KMT2C: variants seen among roughly 807,000 people sequenced by gnomAD.
The protein encoded by KMT2C is lysine methyltransferase 2C.
A neutral mutation model predicts 507.9 loss-of-function variants in KMT2C; 88 were observed. That is an observed-to-expected ratio of 0.17 (90% confidence interval 0.15 to 0.21). The LOEUF (loss-of-function observed/expected upper bound fraction) is 0.21. KMT2C is among the 10% of genes least tolerant of loss of function. The pLI is 1.00. For synonymous variants in KMT2C, 2,049 were observed against 2,080.8 expected (o/e 0.98, Z 0.42); for missense variants, 4,954 against 5,957.8 (o/e 0.83, Z 5.55).
intron 18 of KMT2C, among the ~76,000 whole-genome samples, chr7:152,225,544 T>C (rs997262271): frequency 4.6e-5 from 7 of 152,188 alleles, no homozygotes; most frequent in Non-Finnish European, 8.8e-5. Flanking sequence ...GAACACGTTG[T>C]AGACACAGGA....
intron 6 of KMT2C, among the ~76,000 whole-genome samples, chr7:152,293,210 G>T (rs980001423): frequency 6.6e-6 from 1 of 152,070 alleles, no homozygotes; most frequent in Non-Finnish European, 1.5e-5. Flanking sequence ...TTTCAAATGT[G>T]GAGGAAAAAG....
intron 2 of KMT2C, among the ~76,000 whole-genome samples, chr7:152,333,152 T>G (rs1253072425): frequency 6.6e-6 from 1 of 152,094 alleles, no homozygotes; most frequent in Non-Finnish European, 1.5e-5. Context: ...GTTGGGTGGT[T>G]GTTTTTGTTT....
intron 3 of KMT2C, among the ~76,000 whole-genome samples, chr7:152,318,660 A>AT (rs1012408197): frequency 8.6e-5 from 13 of 151,716 alleles, no homozygotes; most frequent in Admixed American, 2.0e-4. Flanking sequence ...AGGTGCAAAA[A>AT]ATGTTGGAAG....
chr7:152,357,120 G>A (rs1244355197), intron 2 of KMT2C, among the ~76,000 whole-genome samples: 2 of 151,652 alleles, frequency 1.3e-5, no homozygotes, highest in South Asian at 4.2e-4. Flanking sequence ...CAGCTACTTG[G>A]GAGGCTGAGG....
intron 2 of KMT2C, among the ~76,000 whole-genome samples, chr7:152,352,191 A>G (rs1263309725): frequency 1.3e-5 from 2 of 152,164 alleles, no homozygotes; most frequent in Non-Finnish European, 2.9e-5. Flanking sequence ...TAGGGATGAA[A>G]TAAGTCCCAG....
chr7:152,366,304 G>A (rs1281818286), intron 1 of KMT2C, among the ~76,000 whole-genome samples: 3 of 152,178 alleles, frequency 2.0e-5, no homozygotes, highest in Non-Finnish European at 4.4e-5. Context: ...CATGTTCACA[G>A]CAGCATTATT....
Position 152,135,697 on chromosome 7 carries a change from TCA to T in KMT2C, c.*1133_*1134del, listed in dbSNP as rs1168509285. On this transcript the variant is annotated 3_prime_UTR_variant, in exon 59 of 59. Transcript: ENST00000262189. ...TTTGGGTGTATTTTTAAGCAGTTAT[TCA>T]CAGTTATCACAAATTGTAAGCACAA... is the stretch of plus-strand genomic sequence containing the variant. 4.8e-5 allele frequency: 11 copies of T among 226,956 alleles called. No individual in the cohort carries two copies. The South Asian group carries it at 1.6e-3, about 34-fold the overall frequency. The allele number at this position is 226,956 out of a possible 1,614,324, so 14.1% of individuals were successfully genotyped here.
chr7:152,296,076 A>AAG (rs34684246), intron 6 of KMT2C, among the ~76,000 whole-genome samples: 394 of 150,740 alleles, frequency 2.6e-3, no homozygotes, highest in Non-Finnish European at 4.7e-3. Context: ...TCAAAAAAAA[A>AAG]AAAAAAAAAA....
intron 6 of KMT2C, among the ~76,000 whole-genome samples, chr7:152,294,745 G>A (rs1294454418): frequency 6.6e-6 from 1 of 152,030 alleles, no homozygotes; most frequent in Non-Finnish European, 1.5e-5. Context: ...ACACACTTGA[G>A]AGGCATTTGA....
intron 1 of KMT2C, among the ~76,000 whole-genome samples, chr7:152,397,558 C>T (rs2097544612): frequency 6.6e-6 from 1 of 152,028 alleles, no homozygotes; most frequent in Admixed American, 6.6e-5. Flanking sequence ...ACAGTAACAC[C>T]AATCGTTTAT....
chr7:152,166,083 A>G (rs1320436797), intron 42 of KMT2C, among the ~76,000 whole-genome samples: 2 of 152,030 alleles, frequency 1.3e-5, no homozygotes, highest in Non-Finnish European at 2.9e-5. Flanking sequence ...GACAACGTAA[A>G]TGGAAGTGCT....
chr7:152,354,754 G>T (rs979676294), intron 2 of KMT2C, among the ~76,000 whole-genome samples: 2 of 152,198 alleles, frequency 1.3e-5, no homozygotes, highest in Non-Finnish European at 2.9e-5. Flanking sequence ...CAGGAGGCCA[G>T]TAAGGATGGA....
intron 2 of KMT2C, among the ~76,000 whole-genome samples, chr7:152,334,475 G>A (rs1042073007): frequency 1.3e-5 from 2 of 152,024 alleles, no homozygotes; most frequent in East Asian, 1.9e-4. Flanking sequence ...AAAGAAAGTA[G>A]ACAAAGGACA....
At chr7:152,387,163 TAAAC>T (rs894561315) in intron 1 of KMT2C, among the ~76,000 whole-genome samples, 3 of 152,032 alleles carry the variant, frequency 2.0e-5, no homozygotes, top group African/African-American at 7.2e-5. Flanking sequence ...CTTACCCTAA[TAAAC>T]AGCCATGTAG....
At chr7:152,229,447 A>C (rs536009360) in intron 18 of KMT2C, among the ~76,000 whole-genome samples, 2 of 152,176 alleles carry the variant, frequency 1.3e-5, no homozygotes, top group African/African-American at 4.8e-5. Flanking sequence ...AGCAGCGCTG[A>C]CTCTCGATTA....
At chr7:152,263,222 C>A in intron 8 of KMT2C, 92 bp from the exon 9 acceptor site, 25 of 1,084,336 alleles carry the variant, frequency 2.3e-5, no homozygotes, top group Non-Finnish European at 3.4e-5. Flanking sequence ...CTGGGAACTG[C>A]ACAGTTCATA....
intron 26 of KMT2C, among the ~76,000 whole-genome samples, chr7:152,202,596 A>T (rs1386048600): frequency 6.6e-6 from 1 of 152,240 alleles, no homozygotes; most frequent in Admixed American, 6.5e-5. Context: ...TTGGCAAAGG[A>T]AATTTCAACA....
In KMT2C at chr7:152,181,459, G is replaced by T; in HGVS notation, c.6401C>A (p.Pro2134His). 1 of 1,614,074 alleles carries T rather than the reference G, an allele frequency of 6.2e-7. No homozygotes were observed. Among genetic ancestry groups the T allele is most frequent in the Non-Finnish European group, 8.5e-7 (1 of 1,180,016 alleles). The change falls in exon 36 of 59, where the codon CCC becomes CAC. Residue 2134 changes from proline (P) to histidine (H), a missense_variant. Coordinates refer to ENST00000262189, the MANE Select transcript of KMT2C (RefSeq NM_170606.3). ...TACAACAGGTCGTGGAGTTCCTGGG[G>T]GTTGGGAGTATGGGTCCTGAGATGT... is the stretch of plus-strand genomic sequence containing the variant. Reference protein sequence around the residue: ...RPTSQDPYSQPPGTPRPVVDS... With the variant: ...RPTSQDPYSQHPGTPRPVVDS...
At chr7:152,266,902 T>G in intron 7 of KMT2C, among the ~76,000 whole-genome samples, 1 of 152,174 alleles carries the variant, frequency 6.6e-6, no homozygotes, top group Non-Finnish European at 1.5e-5. Context: ...GAAGCTACAT[T>G]AGTGAGGTTG....
Sources: gnomAD v4.1 joint callset for allele counts (sites outside exome capture counted in the v4.1 genomes callset) on GRCh38, gnomAD v4.1.1 for gene constraint, MANE v1.5 for transcripts, NCBI Gene and HGNC (gene_info 2026-07-23, HGNC 2026-07-21) for gene names.